GRM3: variants seen among roughly 807,000 people sequenced by gnomAD.
The protein encoded by GRM3 is metabotropic glutamate receptor 3.
GRM3 carries 26 observed loss-of-function variants against 70.5 expected under a neutral mutation model. The observed-to-expected ratio is 0.37, with a 90% CI of 0.27 to 0.51. The LOEUF is 0.51. Ranked by LOEUF, GRM3 falls within the 20% of genes least tolerant of loss-of-function variation. The pLI is 0.93. For missense variants in GRM3, 859 were observed against 1,123.8 expected, an observed-to-expected ratio of 0.76 and a Z score of 3.37; for synonymous variants, 443 against 434.9, an observed-to-expected ratio of 1.02 and a Z score of -0.23.
chr7:86,720,837 C>G (rs1313948961), intron 1 of GRM3, among the ~76,000 whole-genome samples: 1 of 152,020 alleles, frequency 6.6e-6, no homozygotes, highest in East Asian at 1.9e-4. Flanking sequence ...AACTATGGAG[C>G]AAGCACTGTT....
In GRM3 at chr7:86,839,229, G is replaced by T; in HGVS notation, c.1715G>T (p.Trp572Leu). Residue 572 changes from tryptophan (W) to leucine (L), a missense_variant, in exon 4 of 6, where the codon TGG (tryptophan) becomes TTG (leucine). By Grantham distance (61) the Trp-to-Leu change is moderately conservative. Transcript: ENST00000361669. The surrounding 1 kb of genome is among the most constrained non-coding windows in gnomAD (Gnocchi z 4.5). ...CYDLPEDYIR[W>L]EDAWAIGPVT... ...GACCTTCCTGAGGACTACATCAGGT[G>T]GGAAGACGCCTGGGCCATTGGCCCA... The T allele has an allele frequency of 6.2e-7, 1 of 1,613,852 alleles. No individual in the cohort carries two copies. Among genetic ancestry groups the T allele is most frequent in the Non-Finnish European group, 8.5e-7 (1 of 1,179,710 alleles).
At chr7:86,763,532 C>G (rs1796530359) in intron 1 of GRM3, among the ~76,000 whole-genome samples, 2 of 152,128 alleles carry the variant, frequency 1.3e-5, no homozygotes, top group South Asian at 4.1e-4. Context: ...GGAAAGCTCT[C>G]TAGAAAGATC....
At chr7:86,712,453 A>G (rs897464165) in intron 1 of GRM3, among the ~76,000 whole-genome samples, 3 of 151,938 alleles carry the variant, frequency 2.0e-5, no homozygotes, top group Admixed American at 6.6e-5. Context: ...GGTAACTGTC[A>G]TATACATCAC....
chr7:86,722,745 TATG>T (rs1733451578), intron 1 of GRM3, among the ~76,000 whole-genome samples: 1 of 151,588 alleles, frequency 6.6e-6, no homozygotes, highest in Admixed American at 6.6e-5. Flanking sequence ...GAACTTAAAA[TATG>T]ATAAAAAAAA....
chr7:86,649,803 T>C (rs974766043), intron 1 of GRM3, among the ~76,000 whole-genome samples: 5 of 152,082 alleles, frequency 3.3e-5, no homozygotes, highest in Admixed American at 6.6e-5. Flanking sequence ...AGGGAAACAA[T>C]TAGTCAATAA....
chr7:86,839,366 T>A lies in GRM3; in HGVS notation c.1852T>A (p.Leu618Ile). ...KASGRELCYILLFGVGLSYCM... is the reference protein window; with the variant it reads ...KASGRELCYIILFGVGLSYCM... ...ATCGGGCCGAGAACTCTGCTACATCTTATTGTTTGGGGTTGGCCTGTCATA... is the reference window on the plus strand; with the variant it reads ...ATCGGGCCGAGAACTCTGCTACATCATATTGTTTGGGGTTGGCCTGTCATA... Residue 618 changes from leucine to isoleucine, a missense_variant, in exon 4 of 6, where the codon TTA becomes ATA. By Grantham distance (5) the Leu-to-Ile change is conservative. Transcript: ENST00000361669. This position sits in a 1 kb window ranked among gnomAD's most constrained non-coding sequence, Gnocchi z 4.5. 2 of 1,614,066 alleles carry A rather than the reference T, an allele frequency of 1.2e-6. No individual in the cohort carries two copies. The highest frequency in any genetic ancestry group is 1.7e-6 in the Non-Finnish European group (2 of 1,179,978).
intron 1 of GRM3, among the ~76,000 whole-genome samples, chr7:86,662,116 A>G (rs917126114): frequency 6.6e-6 from 1 of 151,934 alleles, no homozygotes; most frequent in African/African-American, 2.4e-5. Context: ...CAAATTTACT[A>G]TTAAATGCTT....
chr7:86,795,307 T>C (rs1012796770), intron 3 of GRM3, among the ~76,000 whole-genome samples: 1 of 151,240 alleles, frequency 6.6e-6, no homozygotes, highest in East Asian at 1.9e-4. Flanking sequence ...TATTTTATTT[T>C]ATTTTATTTT....
intron 3 of GRM3, among the ~76,000 whole-genome samples, chr7:86,812,521 T>C (rs184809264): frequency 6.4e-4 from 97 of 151,934 alleles, no homozygotes; most frequent in Non-Finnish European, 1.1e-3. Flanking sequence ...ATTTAAAATC[T>C]ACTCTCAGTA....
intron 3 of GRM3, among the ~76,000 whole-genome samples, chr7:86,813,013 A>C (rs554317035): frequency 5.3e-5 from 8 of 151,738 alleles, no homozygotes; most frequent in Non-Finnish European, 1.2e-4. Context: ...ATATAATATG[A>C]TTGAGAGAAT....
At chr7:86,657,636 T>C (rs1180005447) in intron 1 of GRM3, among the ~76,000 whole-genome samples, 1 of 152,130 alleles carries the variant, frequency 6.6e-6, no homozygotes, top group Non-Finnish European at 1.5e-5. Context: ...CTGAAGACAC[T>C]TGAGCAGGGG....
At chr7:86,811,974 A>T (rs1442804110) in intron 3 of GRM3, among the ~76,000 whole-genome samples, 2 of 151,506 alleles carry the variant, frequency 1.3e-5, no homozygotes, top group Non-Finnish European at 3.0e-5. Flanking sequence ...TCTATATAAT[A>T]GAAATTATAT....
At chr7:86,837,802 A>G (rs1798487019) in intron 3 of GRM3, among the ~76,000 whole-genome samples, 1 of 152,236 alleles carries the variant, frequency 6.6e-6, no homozygotes, top group African/African-American at 2.4e-5. Context: ...ATTTACCAAC[A>G]CAGGCAAGCC....
intron 3 of GRM3, among the ~76,000 whole-genome samples, chr7:86,837,591 G>C (rs1475970139): frequency 1.3e-5 from 2 of 152,174 alleles, no homozygotes; most frequent in African/African-American, 4.8e-5. Flanking sequence ...ATGGAAATAT[G>C]TGCCATATTT....
In GRM3 at chr7:86,836,008, A is replaced by T. The variant is rs144329412; in HGVS notation, c.1325-2831A>T. 3.6e-3 allele frequency among the ~76,000 whole-genome samples: 543 copies of T among 152,360 alleles called. 6 individuals carry two copies. Among genetic ancestry groups the T allele is most frequent in the African/African-American group, 0.011 (466 of 41,586 alleles). ...CACAAAATAAATACATATAATTTTT[A>T]AAAATATTAAGATACAACCAGACCC... On this transcript the variant is annotated intron_variant, in intron 3 of 5. Coordinates refer to ENST00000361669, the MANE Select transcript of GRM3 (RefSeq NM_000840.3).
At chr7:86,656,943 CTATAATAATGCA>C (rs1292078832) in intron 1 of GRM3, among the ~76,000 whole-genome samples, 19 of 152,098 alleles carry the variant, frequency 1.2e-4, no homozygotes, top group African/African-American at 4.1e-4. Flanking sequence ...TTAGCAGAGT[CTATAATAATGCA>C]TATAATAATG....
chr7:86,772,632 G>A (rs1244490050), intron 2 of GRM3, among the ~76,000 whole-genome samples: 1 of 152,028 alleles, frequency 6.6e-6, no homozygotes, highest in Non-Finnish European at 1.5e-5. Context: ...GCTGTCTGCA[G>A]TCTCTCCACG....
At chr7:86,650,392 G>A (rs908129071) in intron 1 of GRM3, among the ~76,000 whole-genome samples, 47 of 151,604 alleles carry the variant, frequency 3.1e-4, no homozygotes, top group African/African-American at 9.9e-4. Context: ...ATTTTACCAG[G>A]CTTCATTGCA....
chr7:86,759,586 T>C, intron 1 of GRM3, among the ~76,000 whole-genome samples: 1 of 152,124 alleles, frequency 6.6e-6, no homozygotes, highest in East Asian at 1.9e-4. Flanking sequence ...TATATAGTAG[T>C]TTACAAACTA....
Sources: allele counts gnomAD v4.1 joint callset (sites outside exome capture counted in the v4.1 genomes callset), GRCh38; gene constraint gnomAD v4.1.1; non-coding constraint Gnocchi (gnomAD v3.1); transcripts MANE v1.5; gene names NCBI Gene and HGNC (gene_info 2026-07-23, HGNC 2026-07-21).